Variants in RALYL observed in about 807,000 individuals in gnomAD.
The protein encoded by RALYL is RALY RNA binding protein like.
In RALYL, 29 loss-of-function variants were observed where a neutral mutation model predicts 35.1. The ratio of observed to expected loss-of-function variants is 0.83; its 90% CI spans 0.61 to 1.13. The LOEUF is 1.13. Ranked by LOEUF, RALYL falls within the 50% of genes most tolerant of loss-of-function variation. RALYL has a pLI of 0.00. For missense variants in RALYL, 359 were observed against 360.4 expected, an observed-to-expected ratio of 1.00 and a Z score of 0.03; for synonymous variants, 120 against 127.6, an observed-to-expected ratio of 0.94 and a Z score of 0.40.
intron 2 of RALYL, among the ~76,000 whole-genome samples, chr8:84,650,664 C>A (rs563096776): frequency 6.6e-6 from 1 of 151,804 alleles, no homozygotes; most frequent in African/African-American, 2.4e-5. Flanking sequence ...GTCAGTGTGG[C>A]GATTCCTCAG....
chr8:84,697,800 T>C (rs1045945465), intron 2 of RALYL, among the ~76,000 whole-genome samples: 1 of 152,080 alleles, frequency 6.6e-6, no homozygotes, highest in African/African-American at 2.4e-5. Flanking sequence ...CCATATGTTC[T>C]CATCATTTAG....
chr8:84,627,105 G>A (rs558414223), intron 2 of RALYL, among the ~76,000 whole-genome samples: 41 of 152,034 alleles, frequency 2.7e-4, no homozygotes, highest in East Asian at 1.4e-3. Flanking sequence ...CTGTTACAAC[G>A]CTTTTAAATT....
At chr8:84,831,473 C>G (rs917936045) in intron 4 of RALYL, among the ~76,000 whole-genome samples, 2 of 152,140 alleles carry the variant, frequency 1.3e-5, no homozygotes, top group African/African-American at 4.8e-5. Flanking sequence ...AGGGTAGTCA[C>G]TCACCTGGTT....
At chr8:84,908,749 T>C (rs1028644182) in intron 8 of RALYL, among the ~76,000 whole-genome samples, 3 of 152,068 alleles carry the variant, frequency 2.0e-5, no homozygotes, top group Non-Finnish European at 4.4e-5. Context: ...TAGCAGTTTG[T>C]GCATCTCCCC....
chr8:84,524,650 C>A (rs1457505420), intron 1 of RALYL, among the ~76,000 whole-genome samples: 1 of 152,042 alleles, frequency 6.6e-6, no homozygotes, highest in Non-Finnish European at 1.5e-5. Context: ...TTTGAGCTGC[C>A]TTTAATTTAT....
chr8:84,664,991 G>A (rs1028387812), intron 2 of RALYL, among the ~76,000 whole-genome samples: 15 of 151,972 alleles, frequency 9.9e-5, no homozygotes, highest in African/African-American at 2.4e-4. Context: ...TTATTTTGAG[G>A]TATGTTCCTT....
chr8:84,284,401 G>C (rs1005872171), intron 1 of RALYL, among the ~76,000 whole-genome samples: 1 of 152,102 alleles, frequency 6.6e-6, no homozygotes, highest in Non-Finnish European at 1.5e-5. Flanking sequence ...ATGATGTTAG[G>C]CTATATAAAA....
At chr8:84,670,495 A>G (rs1396484775) in intron 2 of RALYL, among the ~76,000 whole-genome samples, 3 of 152,240 alleles carry the variant, frequency 2.0e-5, no homozygotes, top group African/African-American at 4.8e-5. Context: ...TCACATGGCT[A>G]TGAAGAAATA....
Position 84,548,369 on chromosome 8 carries a change from T to C in RALYL, c.256+18792T>C, listed in dbSNP as rs568193691. On this transcript the variant is annotated intron_variant, in intron 2 of 8. Coordinates refer to ENST00000521268, the MANE Select transcript of RALYL (RefSeq NM_173848.7). ...ATACCTTTTTCTCCACTCATGTCAT[T>C]GTAGGGACTTTCTTATTCTAATTGC... Among the ~76,000 whole-genome samples, 176 of 152,300 alleles carry C rather than the reference T, an allele frequency of 1.2e-3. 1 individual carries two copies. Among genetic ancestry groups the C allele is most frequent in the Non-Finnish European group, 1.2e-3 (80 of 68,006 alleles).
At chr8:84,424,488 G>A (rs142670151) in intron 1 of RALYL, among the ~76,000 whole-genome samples, 44,956 of 146,292 alleles carry the variant, frequency 0.31, 8,308 homozygotes, top group South Asian at 0.5. Flanking sequence ...CTTTGCCTTC[G>A]GTTTGAATGT....
intron 2 of RALYL, among the ~76,000 whole-genome samples, chr8:84,572,170 G>T (rs73691007): frequency 0.016 from 2,365 of 151,824 alleles, 67 homozygotes; most frequent in African/African-American, 0.054. Flanking sequence ...TAGCAATTAG[G>T]TGGGTCTCTT....
intron 1 of RALYL, among the ~76,000 whole-genome samples, chr8:84,371,574 G>C (rs200770221): frequency 7.1e-4 from 95 of 134,432 alleles, no homozygotes; most frequent in African/African-American, 2.6e-3. Flanking sequence ...CACACACACA[G>C]AAAGAGAGAG....
chr8:84,244,921 G>A (rs1446523754), intron 1 of RALYL, among the ~76,000 whole-genome samples: 6 of 152,156 alleles, frequency 3.9e-5, no homozygotes, highest in Admixed American at 3.9e-4. Context: ...AGATTCCTGA[G>A]TCAGAGACAA....
chr8:84,880,643 T>C (rs769462337), intron 7 of RALYL, among the ~76,000 whole-genome samples: 14 of 152,052 alleles, frequency 9.2e-5, no homozygotes, highest in Non-Finnish European at 1.9e-4. Flanking sequence ...ATCTTATTTT[T>C]TACACCAATT....
At chr8:84,316,823 A>G (rs192962611) in intron 1 of RALYL, among the ~76,000 whole-genome samples, 208 of 152,296 alleles carry the variant, frequency 1.4e-3, no homozygotes, top group African/African-American at 4.6e-3. Context: ...AAAATGGTAT[A>G]CTAAATCTTT....
intron 5 of RALYL, among the ~76,000 whole-genome samples, chr8:84,857,238 A>G (rs1837246287): frequency 6.6e-6 from 1 of 152,138 alleles, no homozygotes; most frequent in East Asian, 1.9e-4. Context: ...TTGTAGAGCT[A>G]CTGAAAGGTG....
intron 2 of RALYL, among the ~76,000 whole-genome samples, chr8:84,659,556 TTAA>T (rs1830536675): frequency 6.6e-6 from 1 of 152,052 alleles, no homozygotes; most frequent in African/African-American, 2.4e-5. Context: ...CCTAAGCAGT[TTAA>T]TAATAAGCTT....
intron 2 of RALYL, among the ~76,000 whole-genome samples, chr8:84,588,929 G>A (rs1040450601): frequency 2.0e-5 from 3 of 151,166 alleles, no homozygotes; most frequent in South Asian, 2.1e-4. Flanking sequence ...ATGGAGTTTC[G>A]CTCTTGTTGC....
intron 1 of RALYL, among the ~76,000 whole-genome samples, chr8:84,233,060 G>A (rs748423431): frequency 2.4e-4 from 36 of 151,876 alleles, no homozygotes; most frequent in Non-Finnish European, 5.0e-4. Context: ...ATAGTTCACT[G>A]TAACCTCAAA....
Sources: allele counts gnomAD v4.1 joint callset (sites outside exome capture counted in the v4.1 genomes callset), GRCh38; gene constraint gnomAD v4.1.1; transcripts MANE v1.5; gene names NCBI Gene and HGNC (gene_info 2026-07-23, HGNC 2026-07-21).